SFMBT2: variants seen among roughly 807,000 people sequenced by gnomAD.
The protein encoded by SFMBT2 is scm-like with four MBT domains protein 2.
Under a neutral mutation model 110.1 loss-of-function variants are expected in SFMBT2, and 38 were observed. The observed-to-expected ratio is 0.35, with a 90% CI of 0.27 to 0.45. The LOEUF is 0.45. SFMBT2 is among the 20% of genes least tolerant of loss of function. SFMBT2 has a pLI of 1.00. For synonymous variants in SFMBT2, 425 were observed against 425.4 expected (o/e 1.00, Z 0.01); for missense variants, 1,011 against 1,094.9 (o/e 0.92, Z 1.08).
intron 1 of SFMBT2, among the ~76,000 whole-genome samples, chr10:7,389,348 C>A (rs970035614): frequency 1.3e-5 from 2 of 152,034 alleles, no homozygotes; most frequent in Non-Finnish European, 2.9e-5. Flanking sequence ...ACACCCTAAC[C>A]CCCCAAAAAG....
chr10:7,305,401 T>A (rs1482441978), intron 4 of SFMBT2, among the ~76,000 whole-genome samples: 1 of 152,220 alleles, frequency 6.6e-6, no homozygotes, highest in East Asian at 1.9e-4. Context: ...TGTCATTAAT[T>A]AAGTACCTGT....
intron 11 of SFMBT2, 57 bp downstream of exon 11, chr10:7,220,354 C>A: frequency 6.6e-7 from 1 of 1,526,050 alleles, no homozygotes; most frequent in South Asian, 1.2e-5. Context: ...CCACACGTTG[C>A]CATTTCGACA....
At chr10:7,334,725 C>T (rs577613082) in intron 4 of SFMBT2, among the ~76,000 whole-genome samples, 48 of 152,334 alleles carry the variant, frequency 3.2e-4, no homozygotes, top group Non-Finnish European at 3.1e-4. Flanking sequence ...CAGCGCTCTT[C>T]CTCTGACTTG....
chr10:7,221,066 T>A (rs1396471316), intron 10 of SFMBT2, among the ~76,000 whole-genome samples: 1 of 151,246 alleles, frequency 6.6e-6, no homozygotes, highest in Non-Finnish European at 1.5e-5. Flanking sequence ...GGCCTTGTGA[T>A]CCACCTGCCT....
intron 8 of SFMBT2, chr10:7,246,080 T>C: frequency 1.1e-6 from 1 of 877,532 alleles, no homozygotes; most frequent in Non-Finnish European, 1.4e-6. Context: ...CCTACCTAGG[T>C]TCTAAAAGAC....
intron 2 of SFMBT2, among the ~76,000 whole-genome samples, chr10:7,380,562 T>C (rs1018356840): frequency 3.9e-5 from 6 of 152,206 alleles, no homozygotes; most frequent in African/African-American, 1.4e-4. Context: ...ATGCGCAACA[T>C]TTTTTATAGG....
chr10:7,190,757 C>A (rs1467689535), intron 15 of SFMBT2, among the ~76,000 whole-genome samples: 1 of 152,196 alleles, frequency 6.6e-6, no homozygotes, highest in Non-Finnish European at 1.5e-5. Context: ...AGGGAGCCTG[C>A]CCCTGCCCCC....
chr10:7,228,752 CTCTCTCTCTCT>C (rs1675356904), intron 9 of SFMBT2, among the ~76,000 whole-genome samples: 1 of 93,988 alleles, frequency 1.1e-5, no homozygotes, highest in Admixed American at 1.0e-4. Context: ...CTCTCTCTCT[CTCTCTCTCTCT>C]CTCTCTCTCT....
At position 7,171,814 on chromosome 10, in the gene SFMBT2, C is replaced by T. The variant is rs935732675; in HGVS notation, c.2415+81G>A. On this transcript the variant is annotated intron_variant, in intron 19 of 20. Transcript: ENST00000397167. The surrounding 1 kb of genome is among the most constrained non-coding windows in gnomAD (Gnocchi z 4.9). Reference sequence around the variant, plus strand: ...TTGGAGGTATTTTAAACAGGTTTCCCCACATCGTGGCCCTGAAGTGTAACA... The same window carrying T: ...TTGGAGGTATTTTAAACAGGTTTCCTCACATCGTGGCCCTGAAGTGTAACA... The T allele has an allele frequency of 1.8e-5, 24 of 1,308,242 alleles. No homozygotes were observed. The highest frequency in any genetic ancestry group is 2.8e-4 in the Middle Eastern group (1 of 3,510). The allele number at this position is 1,308,242 out of a possible 1,614,324, so 81.0% of individuals were successfully genotyped here. A position where few individuals can be genotyped will look rare whatever the true frequency, so the allele number is the denominator to read the frequency against.
At chr10:7,240,483 T>A (rs1840395477) in intron 9 of SFMBT2, among the ~76,000 whole-genome samples, 1 of 152,234 alleles carries the variant, frequency 6.6e-6, no homozygotes, top group East Asian at 1.9e-4. Context: ...AACAAACTTT[T>A]ATGCAGATGA....
chr10:7,205,025 T>G, intron 12 of SFMBT2: 2 of 637,730 alleles, frequency 3.1e-6, no homozygotes, highest in African/African-American at 4.0e-5. Context: ...ATATACTTTA[T>G]AAAGTACAGT....
chr10:7,346,607 C>A (rs1844119342), intron 4 of SFMBT2, among the ~76,000 whole-genome samples: 1 of 152,120 alleles, frequency 6.6e-6, no homozygotes, highest in Non-Finnish European at 1.5e-5. Context: ...AAATACCATT[C>A]TCTTTTACAT....
At chr10:7,250,313 C>T (rs928542566) in intron 7 of SFMBT2, among the ~76,000 whole-genome samples, 3 of 152,150 alleles carry the variant, frequency 2.0e-5, no homozygotes, top group African/African-American at 7.2e-5. Flanking sequence ...AGGTCTAGCT[C>T]GCACTTCTAA....
intron 2 of SFMBT2, among the ~76,000 whole-genome samples, chr10:7,374,449 G>T (rs1467528098): frequency 1.3e-5 from 2 of 152,116 alleles, no homozygotes; most frequent in Non-Finnish European, 2.9e-5. Flanking sequence ...CACTGAGACC[G>T]CTGGTTGCAG....
intron 4 of SFMBT2, among the ~76,000 whole-genome samples, chr10:7,356,395 T>TTTG (rs774023100): frequency 6.6e-6 from 1 of 151,970 alleles, no homozygotes; most frequent in East Asian, 1.9e-4. Flanking sequence ...GCTACTGCGT[T>TTTG]TTGTTGTTGT....
chr10:7,198,227 G>C, intron 14 of SFMBT2: 1 of 811,408 alleles, frequency 1.2e-6, no homozygotes, highest in Non-Finnish European at 1.5e-6. Context: ...GGTAAATGCG[G>C]ATCTAGAAAG....
chr10:7,214,749 T>C, intron 11 of SFMBT2: 1 of 985,488 alleles, frequency 1.0e-6, no homozygotes. Flanking sequence ...CACAGATTCC[T>C]AGCTTGATAC....
intron 11 of SFMBT2, chr10:7,206,835 G>C: frequency 1.0e-6 from 1 of 975,218 alleles, no homozygotes; most frequent in Non-Finnish European, 1.2e-6. Context: ...TTTGAACCAG[G>C]AATCAAGAGA....
intron 4 of SFMBT2, among the ~76,000 whole-genome samples, chr10:7,332,359 G>C (rs942511314): frequency 1.1e-4 from 16 of 152,264 alleles, no homozygotes; most frequent in African/African-American, 3.9e-4. Context: ...CTCACCCAAG[G>C]CTTGACATAA....
Sources: gnomAD v4.1 joint callset for allele counts (sites outside exome capture counted in the v4.1 genomes callset) on GRCh38, gnomAD v4.1.1 for gene constraint, Gnocchi (gnomAD v3.1) non-coding constraint, MANE v1.5 for transcripts, NCBI Gene and HGNC (gene_info 2026-07-23, HGNC 2026-07-21) for gene names.